The following NLRP4 variants were observed in gnomAD, a reference collection of about 807,000 sequenced individuals.
The protein encoded by NLRP4 is NLR family pyrin domain containing 4.
Under a neutral mutation model 84.7 loss-of-function variants are expected in NLRP4, and 44 were observed. That is an observed-to-expected ratio of 0.52 (90% CI 0.41 to 0.67). The LOEUF is 0.67. Ranked by LOEUF, NLRP4 falls within the 30% of genes least tolerant of loss-of-function variation. NLRP4 has a pLI of 0.00. For missense variants in NLRP4, 1,260 were observed against 1,219.4 expected (o/e 1.03, Z -0.50); for synonymous variants, 544 against 476.4 (o/e 1.14, Z -1.85).
intron 1 of NLRP4, among the ~76,000 whole-genome samples, chr19:55,850,023 T>TGATTTCCGTAGCTGCGGTGG (rs1983993005): frequency 7.0e-6 from 1 of 142,604 alleles, no homozygotes; most frequent in African/African-American, 2.8e-5. Flanking sequence ...GACTGCGGTG[T>TGATTTCCGTAGCTGCGGTGG]GATTTCCGAG....
rs571424127 is a variant in NLRP4, at chr19:55,847,778, G to A, written c.-65-4238G>A. Among the ~76,000 whole-genome samples the A allele has an allele frequency of 1.2e-4, 18 of 149,060 alleles. No individual in the cohort carries two copies. In the East Asian group the frequency reaches 2.8e-3, roughly 23 times the overall value. On this transcript the variant is annotated intron_variant, in intron 1 of 9. Coordinates refer to ENST00000301295, the MANE Select transcript of NLRP4 (RefSeq NM_134444.5). The stretch of plus-strand genomic sequence containing the variant: ...TGCCCAGGCTGGAGTGCAATGGTGC[G>A]ATCTCAGCTCACTGCAACCTCTGCC...
chr19:55,850,967 G>T (rs373810199), intron 1 of NLRP4, among the ~76,000 whole-genome samples: 37 of 97,396 alleles, frequency 3.8e-4, no homozygotes, highest in Middle Eastern at 6.8e-3. Flanking sequence ...GCGGTGTAAT[G>T]TCCGTGGCTG....
intron 5 of NLRP4, among the ~76,000 whole-genome samples, chr19:55,863,331 T>C (rs559550394): frequency 6.6e-6 from 1 of 152,314 alleles, no homozygotes; most frequent in East Asian, 1.9e-4. Flanking sequence ...AGACTGGGAA[T>C]TTATAAATAA....
chr19:55,862,923 CTG>C (rs1296027057), intron 5 of NLRP4, among the ~76,000 whole-genome samples: 121 of 152,334 alleles, frequency 7.9e-4, no homozygotes, highest in Non-Finnish European at 3.2e-4. Context: ...TTTCGGAAAA[CTG>C]TGTGTATTCA....
intron 2 of NLRP4, among the ~76,000 whole-genome samples, chr19:55,856,962 T>C (rs922945574): frequency 6.6e-6 from 1 of 152,232 alleles, no homozygotes; most frequent in Non-Finnish European, 1.5e-5. Flanking sequence ...CTAGGTCAGG[T>C]CCTTTTTAGG....
chr19:55,872,786 C>T (rs1164305776), intron 7 of NLRP4, among the ~76,000 whole-genome samples: 1 of 152,058 alleles, frequency 6.6e-6, no homozygotes, highest in Admixed American at 6.6e-5. Context: ...TTTTCTGTAA[C>T]CAATGAAAGA....
intron 1 of NLRP4, among the ~76,000 whole-genome samples, chr19:55,840,332 A>ATGTG (rs1456624090): frequency 5.8e-5 from 7 of 120,258 alleles, no homozygotes; most frequent in African/African-American, 2.4e-4. Flanking sequence ...GTATAGACAT[A>ATGTG]TGTGTATGTG....
At position 55,852,251 on chromosome 19, in the gene NLRP4, C is replaced by T; in HGVS notation, c.171C>T (p.Asn57=). The T allele has an allele frequency of 6.2e-7, 1 of 1,609,240 alleles. No homozygotes were observed. The highest frequency in any genetic ancestry group is 8.5e-7 in the Non-Finnish European group (1 of 1,178,466). The change falls in exon 2 of 10, where the codon AAC becomes AAT. Residue 57 remains asparagine (N), a synonymous_variant. Coordinates refer to ENST00000301295, the MANE Select transcript of NLRP4 (RefSeq NM_134444.5). ...AAGCATCCCGGGAAGAACTTGCAAA[C>T]CTCTTGATCAAGCACTATGAAGAAC... The part of the protein sequence containing the change: ...VKKASREELA[N]LLIKHYEEQQ...
intron 7 of NLRP4, among the ~76,000 whole-genome samples, chr19:55,876,261 A>G (rs1463218925): frequency 6.6e-5 from 10 of 152,202 alleles, no homozygotes; most frequent in Admixed American, 2.0e-4. Flanking sequence ...GAGACAATTC[A>G]GTTGTCCCTC....
chr19:55,837,454 C>T (rs1194464316), intron 1 of NLRP4, among the ~76,000 whole-genome samples: 1 of 152,132 alleles, frequency 6.6e-6, no homozygotes, highest in African/African-American at 2.4e-5. Flanking sequence ...ACAGGTGTAA[C>T]TTGGTATCCA....
At chr19:55,850,626 T>C (rs1984060524) in intron 1 of NLRP4, among the ~76,000 whole-genome samples, 1 of 115,972 alleles carries the variant, frequency 8.6e-6, no homozygotes, top group Non-Finnish European at 1.6e-5. Flanking sequence ...TGCGGTGTAA[T>C]GTCCGAGGCT....
intron 4 of NLRP4, 134 bp downstream of exon 4, chr19:55,861,681 C>G (rs980377135): frequency 8.9e-6 from 7 of 786,870 alleles, no homozygotes; most frequent in South Asian, 1.7e-5. Flanking sequence ...TCAGCACTTA[C>G]AGACATCTCA....
chr19:55,874,748 C>T (rs2123064864), intron 7 of NLRP4, among the ~76,000 whole-genome samples: 1 of 152,222 alleles, frequency 6.6e-6, no homozygotes, highest in South Asian at 2.1e-4. Context: ...TTTTTTGTGG[C>T]TAGCATAATC....
chr19:55,851,032 A>AATGTCCGT (rs1984105973), intron 1 of NLRP4, among the ~76,000 whole-genome samples: 1 of 76,768 alleles, frequency 1.3e-5, no homozygotes, highest in African/African-American at 9.3e-5. Flanking sequence ...GTAATGTCCG[A>AATGTCCGT]GGCTGCGGTG....
rs182307183 is a variant in NLRP4 at position 55,868,296 on chromosome 19, G to A, written c.2354+420G>A. 2.4e-3 allele frequency among the ~76,000 whole-genome samples: 369 copies of A among 152,276 alleles called. 1 individual carries two copies. The highest frequency in any genetic ancestry group is 8.3e-3 in the African/African-American group (345 of 41,554). On this transcript the variant is annotated intron_variant, in intron 6 of 9. Transcript: ENST00000301295. ...AATGTCTATGGGCCTCTTGACCCCA[G>A]TTAATACTATAATACATGTGATGTT...
intron 7 of NLRP4, among the ~76,000 whole-genome samples, chr19:55,875,857 C>T (rs984284653): frequency 4.8e-5 from 7 of 147,114 alleles, no homozygotes; most frequent in Non-Finnish European, 8.9e-5. Context: ...AGTGAAACCC[C>T]GTCTCTACTG....
chr19:55,853,038 G>A (rs1984232098), intron 2 of NLRP4, among the ~76,000 whole-genome samples: 1 of 152,228 alleles, frequency 6.6e-6, no homozygotes, highest in Non-Finnish European at 1.5e-5. Context: ...GTTGACTGGT[G>A]TAATCATGTA....
chr19:55,839,493 AAAG>A (rs943338602), intron 1 of NLRP4, among the ~76,000 whole-genome samples: 6 of 151,770 alleles, frequency 4.0e-5, no homozygotes, highest in African/African-American at 1.5e-4. Flanking sequence ...AAAAAAAAAA[AAAG>A]CTTTCAAAAC....
chr19:55,863,629 G>T (rs1360290688), intron 5 of NLRP4, among the ~76,000 whole-genome samples: 2 of 152,044 alleles, frequency 1.3e-5, no homozygotes, highest in African/African-American at 4.8e-5. Context: ...ATTACAGTTC[G>T]ACGTGAGGGT....
Sources: gnomAD v4.1 joint callset for allele counts (sites outside exome capture counted in the v4.1 genomes callset) on GRCh38, gnomAD v4.1.1 for gene constraint, MANE v1.5 for transcripts, NCBI Gene and HGNC (gene_info 2026-07-23, HGNC 2026-07-21) for gene names.